The following MDFI variants were observed in gnomAD, a reference collection of about 807,000 sequenced individuals.
MDFI encodes MyoD family inhibitor.
A neutral mutation model predicts 22.3 loss-of-function variants in MDFI; 16 were observed. That is an observed-to-expected ratio of 0.72 (90% confidence interval 0.49 to 1.09). MDFI has a LOEUF of 1.09. Among genes scored for constraint, MDFI ranks in the 50% least tolerant of loss-of-function variants. The pLI is 0.00. For missense variants in MDFI, 314 were observed against 326.1 expected (o/e 0.96, Z 0.29); for synonymous variants, 145 against 142.7 (o/e 1.02, Z -0.12).
At chr6:41,638,044 C>T (rs976299566), upstream of MDFI, 10 of 152,250 alleles carry the variant, frequency 6.6e-5, no homozygotes, top group African/African-American at 2.4e-4. The surrounding 1 kb of genome is among the most constrained non-coding windows in gnomAD (Gnocchi z 7.6). Context: ...GAAACTTGAT[C>T]GCGCCCATCT....
intron 2 of MDFI, among the ~76,000 whole-genome samples, chr6:41,643,581 G>A (rs1201741965): frequency 7.4e-6 from 1 of 134,910 alleles, no homozygotes. Flanking sequence ...AAGGAAGGAG[G>A]GAGGGAGGGA....
intron 4 of MDFI, chr6:41,650,116 C>G: frequency 4.6e-6 from 2 of 432,424 alleles, no homozygotes; most frequent in Non-Finnish European, 8.2e-6. Flanking sequence ...CACCCCACCC[C>G]AAACCCCTCC....
intron 3 of MDFI, among the ~76,000 whole-genome samples, chr6:41,647,919 TGTAGTCCCTAGCTACTCGGGAGGCTGA>T (rs1468135817): frequency 1.3e-5 from 2 of 151,374 alleles, no homozygotes; most frequent in East Asian, 3.9e-4. Flanking sequence ...GGCGGGCGCA[TGTAGTCCCTAGCTACTCGGGAGGCTGA>T]GGCAGGAGAA....
At chr6:41,639,400 C>T (rs1339166419) in intron 2 of MDFI, 1 of 985,320 alleles carries the variant, frequency 1.0e-6, no homozygotes, top group African/African-American at 1.7e-5. Context: ...CACACGCACC[C>T]CAACCCAGTG....
chr6:41,640,862 C>T (rs2127426675), intron 2 of MDFI, among the ~76,000 whole-genome samples: 1 of 152,336 alleles, frequency 6.6e-6, no homozygotes, highest in South Asian at 2.1e-4. Context: ...GGCTCCCTAG[C>T]CCACAGGCAC....
chr6:41,647,727 G>T lies in MDFI; in HGVS notation c.259+1419G>T, dbSNP rs116154383. Among the ~76,000 whole-genome samples, 689 of 152,182 alleles carry T rather than the reference G, an allele frequency of 4.5e-3. 3 individuals are homozygous for T. The highest frequency in any genetic ancestry group is 7.2e-3 in the Non-Finnish European group (488 of 68,006). On this transcript the variant is annotated intron_variant, in intron 3 of 4. Transcript: ENST00000230321. Reference sequence around the variant, plus strand: ...GCCTCTGTTTTCTCATCTGTGAAATGGGGCCAGTAGTAGATCTATTGCGAT... The same window carrying T: ...GCCTCTGTTTTCTCATCTGTGAAATTGGGCCAGTAGTAGATCTATTGCGAT...
chr6:41,637,135 T>TGTCCC (rs1767671384), upstream of MDFI: 1 of 152,018 alleles, frequency 6.6e-6, no homozygotes, highest in South Asian at 2.1e-4. This position sits in a 1 kb window ranked among gnomAD's most constrained non-coding sequence, Gnocchi z 6.8. Flanking sequence ...ACTCTCTTCT[T>TGTCCC]GTCCCGCCCC....
At chr6:41,639,294 A>G (rs1371931461) in intron 2 of MDFI, 3 of 985,224 alleles carry the variant, frequency 3.0e-6, no homozygotes, top group East Asian at 1.1e-4. Context: ...GAGCGGCTGC[A>G]GGACCCAGCC....
intron 2 of MDFI, among the ~76,000 whole-genome samples, chr6:41,645,621 C>T (rs111519937): frequency 6.6e-6 from 1 of 152,160 alleles, no homozygotes; most frequent in Non-Finnish European, 1.5e-5. Flanking sequence ...TACTGACTTC[C>T]GTGCTATTGC....
Position 41,638,813 on chromosome 6 carries a change from GC to G in MDFI, c.68del (p.Pro23ArgfsTer15). Reference protein sequence around the residue: ...CDAPYGAPSAAPGPAQTLSLL... With the variant: ...CDAPYGAPSAXPGPAQTLSLL... Reference sequence around the variant, plus strand: ...CGCGCCCTATGGAGCCCCCAGCGCAGCCCCGGGCCCAGGTAGGACCGGGAGT... The same window carrying G: ...CGCGCCCTATGGAGCCCCCAGCGCAGCCCGGGCCCAGGTAGGACCGGGAGT... On this transcript the variant is annotated frameshift_variant, in exon 2 of 5. Coordinates refer to ENST00000230321, the MANE Select transcript of MDFI (RefSeq NM_005586.4). LOFTEE classifies it high-confidence loss of function. This position sits in a 1 kb window ranked among gnomAD's most constrained non-coding sequence, Gnocchi z 7.6. 1 of 1,559,898 alleles carries G rather than the reference GC, an allele frequency of 6.4e-7. No individual in the cohort carries two copies. Among genetic ancestry groups the G allele is most frequent in the East Asian group, 2.3e-5 (1 of 42,696 alleles).
At chr6:41,640,055 C>A in intron 2 of MDFI, 1 of 582,638 alleles carries the variant, frequency 1.7e-6, no homozygotes, top group Non-Finnish European at 2.2e-6. Flanking sequence ...CTCAAATTGC[C>A]TGCTGTCTCT....
Position 41,653,326 on chromosome 6 carries a change from T to A in MDFI, c.492T>A (p.Cys164Ter), listed in dbSNP as rs1390017685. Residue 164 changes from cysteine to a stop codon, truncating the protein, a stop_gained, in exon 5 of 5, where the codon TGT (cysteine) becomes TGA (stop). Transcript: ENST00000230321. LOFTEE classifies it high-confidence loss of function. The surrounding 1 kb of genome is among the most constrained non-coding windows in gnomAD (Gnocchi z 4.2). Reference sequence around the variant, plus strand: ...TCCACCGCCACCCCGCAGACTGCTGTGTCCACTGCATCCTGTCCTGCCTGT... The same window carrying A: ...TCCACCGCCACCCCGCAGACTGCTGAGTCCACTGCATCCTGTCCTGCCTGT... ...QIPLQAQEDC[C>*]VHCILSCLFC... The A allele has an allele frequency of 6.2e-7, 1 of 1,611,434 alleles. No homozygotes were observed. Among genetic ancestry groups the A allele is most frequent in the Non-Finnish European group, 8.5e-7 (1 of 1,179,002 alleles).
rs1479300900 is a variant in MDFI at position 41,649,704 on chromosome 6, G to A, written c.345G>A (p.Arg115=). ...GHPSELGGTR[R]AGNGALGGPK... is the part of the protein sequence containing the mutation. The stretch of plus-strand genomic sequence containing the variant: ...CCTCAGAGCTGGGCGGCACCAGACG[G>A]GCGGGGAATGGTGCCCTGGGTGGCC... Residue 115 remains arginine (R), a synonymous_variant, in exon 4 of 5, where the codon CGG becomes CGA. Coordinates refer to ENST00000230321, the MANE Select transcript of MDFI (RefSeq NM_005586.4). The A allele has an allele frequency of 5.6e-6, 9 of 1,614,058 alleles. 1 individual carries two copies. In the East Asian group the frequency reaches 2.0e-4, roughly 36 times the overall value.
chr6:41,639,125 T>TCTGC (rs1767751807), intron 2 of MDFI: 1 of 626,500 alleles, frequency 1.6e-6, no homozygotes, highest in African/African-American at 2.0e-5. Context: ...CTCCGCGGTG[T>TCTGC]CTGTCCGTCT....
rs747201747 is a variant in MDFI, at chr6:41,649,614, T to C, written c.260-5T>C. ...TCCCATCACACTTTCTCTTCATCTC[T>C]CCAGGCCAGCCTCAGGGGAACCCCT... On this transcript the variant is annotated splice_region_variant and splice_polypyrimidine_tract_variant and intron_variant, in intron 3 of 4. Coordinates refer to ENST00000230321, the MANE Select transcript of MDFI (RefSeq NM_005586.4). 6 of 1,587,754 alleles carry C rather than the reference T, an allele frequency of 3.8e-6. No individual in the cohort carries two copies. The highest frequency in any genetic ancestry group is 5.1e-6 in the Non-Finnish European group (6 of 1,165,050).
At chr6:41,642,861 C>A (rs1207194082) in intron 2 of MDFI, among the ~76,000 whole-genome samples, 1 of 152,170 alleles carries the variant, frequency 6.6e-6, no homozygotes, top group African/African-American at 2.4e-5. Context: ...GGTCACCAGC[C>A]CTGTAGGTGA....
chr6:41,645,022 CT>C (rs1455209372), intron 2 of MDFI, among the ~76,000 whole-genome samples: 1 of 151,962 alleles, frequency 6.6e-6, no homozygotes, highest in African/African-American at 2.4e-5. Flanking sequence ...CTCTTTTGGC[CT>C]CTGCATCTCT....
intron 2 of MDFI, chr6:41,640,068 G>A: frequency 2.2e-6 from 1 of 459,848 alleles, no homozygotes; most frequent in Non-Finnish European, 2.9e-6. Context: ...CTGTCTCTGT[G>A]GGGCCCCTGC....
intron 3 of MDFI, 26 bp downstream of exon 3, chr6:41,646,334 G>T: frequency 3.6e-6 from 5 of 1,394,790 alleles, no homozygotes; most frequent in South Asian, 1.9e-5. Context: ...CCAGGAGGTT[G>T]GATGGCAACA....
Sources: allele counts gnomAD v4.1 joint callset (sites outside exome capture counted in the v4.1 genomes callset), GRCh38; gene constraint gnomAD v4.1.1; non-coding constraint Gnocchi (gnomAD v3.1); transcripts MANE v1.5; gene names NCBI Gene and HGNC (gene_info 2026-07-23, HGNC 2026-07-21).